Variants in SLC22A15 observed in about 807,000 individuals in gnomAD.
The protein encoded by SLC22A15 is flipt 1.
A neutral mutation model predicts 62.7 loss-of-function variants in SLC22A15; 45 were observed. The observed-to-expected ratio is 0.72, with a 90% CI of 0.56 to 0.92. SLC22A15 has a LOEUF of 0.92. Among genes scored for constraint, SLC22A15 ranks in the 40% least tolerant of loss-of-function variants. SLC22A15 has a pLI of 0.00. For synonymous variants in SLC22A15, 264 were observed against 267.0 expected, an observed-to-expected ratio of 0.99 and a Z score of 0.11; for missense variants, 622 against 665.6, an observed-to-expected ratio of 0.93 and a Z score of 0.72.
intron 8 of SLC22A15, among the ~76,000 whole-genome samples, chr1:116,052,949 G>C (rs1264504189): frequency 1.3e-5 from 2 of 152,072 alleles, no homozygotes; most frequent in Non-Finnish European, 2.9e-5. Context: ...AAACCACAAA[G>C]ATGGGGAAAA....
In SLC22A15 at chr1:116,032,447, G is replaced by C. The variant is rs964260564; in HGVS notation, c.944+866G>C. The C allele has an allele frequency of 3.0e-6, 3 of 985,270 alleles. No individual in the cohort carries two copies. In the African/African-American group the frequency reaches 5.2e-5, roughly 17 times the overall value. 61.0% of individuals were successfully genotyped at this position (985,270 alleles called of 1,614,324 possible). On this transcript the variant is annotated intron_variant, in intron 6 of 11. Coordinates refer to ENST00000369503, the MANE Select transcript of SLC22A15 (RefSeq NM_018420.3). ...GTATTTGCCATGAAGCCTGCATGGA[G>C]CCCTACATTTCATGCAGGGATAAAG... is the stretch of plus-strand genomic sequence containing the variant.
chr1:116,064,562 T>G, intron 10 of SLC22A15, 54 bp downstream of exon 10: 1 of 1,197,550 alleles, frequency 8.4e-7, no homozygotes, highest in South Asian at 1.2e-5. Flanking sequence ...TTGGAAATGC[T>G]TATGCTTTTT....
intron 8 of SLC22A15, among the ~76,000 whole-genome samples, chr1:116,057,923 G>C (rs1658258909): frequency 6.6e-6 from 1 of 152,098 alleles, no homozygotes; most frequent in Non-Finnish European, 1.5e-5. Flanking sequence ...GGGGAGAGGG[G>C]AGAAGGATAG....
intron 4 of SLC22A15, among the ~76,000 whole-genome samples, chr1:116,023,565 A>G (rs1452546249): frequency 1.3e-5 from 2 of 152,162 alleles, no homozygotes; most frequent in African/African-American, 4.8e-5. Flanking sequence ...TCTGCCATGT[A>G]CCAGACACTG....
intron 6 of SLC22A15, among the ~76,000 whole-genome samples, chr1:116,034,986 C>T (rs911770977): frequency 9.2e-5 from 14 of 152,158 alleles, no homozygotes; most frequent in African/African-American, 3.1e-4. Context: ...TATTTCCAAA[C>T]CCCCATAATT....
chr1:116,032,071 G>T (rs922908451), intron 6 of SLC22A15: 29 of 985,270 alleles, frequency 2.9e-5, no homozygotes, highest in Admixed American at 6.2e-5. Context: ...GGCTAAATAT[G>T]ATCCCTTGTA....
chr1:116,026,760 C>A, intron 4 of SLC22A15, 133 bp from the exon 5 acceptor site: 1 of 923,588 alleles, frequency 1.1e-6, no homozygotes, highest in Non-Finnish European at 1.5e-6. Flanking sequence ...TTTTTCTTTT[C>A]TGGTGTGCCT....
chr1:116,033,382 G>A (rs1341070577), intron 6 of SLC22A15, among the ~76,000 whole-genome samples: 1 of 152,060 alleles, frequency 6.6e-6, no homozygotes, highest in East Asian at 1.9e-4. Flanking sequence ...CTATGACGAA[G>A]GCAACTTGCA....
intron 2 of SLC22A15, among the ~76,000 whole-genome samples, chr1:115,994,915 A>G (rs1290163023): frequency 6.6e-6 from 1 of 152,228 alleles, no homozygotes; most frequent in Admixed American, 6.5e-5. Context: ...CATGTATTGA[A>G]TCCAATTCAG....
At chr1:116,053,239 G>A (rs950122825) in intron 8 of SLC22A15, among the ~76,000 whole-genome samples, 16 of 152,172 alleles carry the variant, frequency 1.1e-4, no homozygotes, top group African/African-American at 2.7e-4. Flanking sequence ...GCCAAGGCTC[G>A]AGAACCACAT....
At position 116,067,855 on chromosome 1, in the gene SLC22A15, C is replaced by T. The variant is rs1294402136; in HGVS notation, c.*747C>T. ...ACTATATTGTATGATTTCTTCCTTT[C>T]CCACTAATATGCACATCCAGAAAAA... On this transcript the variant is annotated 3_prime_UTR_variant, in exon 12 of 12. Coordinates refer to ENST00000369503, the MANE Select transcript of SLC22A15 (RefSeq NM_018420.3). 1 of 152,134 alleles carries T rather than the reference C, an allele frequency of 6.6e-6. No homozygotes were observed. The highest frequency in any genetic ancestry group is 2.4e-5 in the African/African-American group (1 of 41,418). The allele number at this position is 152,134 out of a possible 1,614,324, so 9.4% of individuals were successfully genotyped here. A position where few individuals can be genotyped will look rare whatever the true frequency, so the allele number is the denominator to read the frequency against.
At chr1:115,983,424 ATGTGTGTGTGTGTGTGCACGCGCACATG>A (rs1557868741) in intron 1 of SLC22A15, among the ~76,000 whole-genome samples, 1 of 151,110 alleles carries the variant, frequency 6.6e-6, no homozygotes, top group African/African-American at 2.4e-5. Flanking sequence ...TAGGATGGAG[ATGTGTGTGTGTGTGTGCACGCGCACATG>A]TGTGTGTATG....
intron 10 of SLC22A15, among the ~76,000 whole-genome samples, chr1:116,065,401 A>T (rs1413152841): frequency 6.6e-6 from 1 of 152,198 alleles, no homozygotes; most frequent in Admixed American, 6.5e-5. Flanking sequence ...ATTCTGCAAA[A>T]TATAGGTACT....
intron 11 of SLC22A15, 149 bp from the exon 12 acceptor site, chr1:116,066,870 A>G: frequency 1.1e-6 from 1 of 934,364 alleles, no homozygotes; most frequent in East Asian, 2.6e-5. Context: ...TCGATGATTC[A>G]TTAGCTTTCC....
rs192163723 is a variant in SLC22A15, at chr1:116,057,558, T to C, written c.1172-5204T>C. On this transcript the variant is annotated intron_variant, in intron 8 of 11. Coordinates refer to ENST00000369503, the MANE Select transcript of SLC22A15 (RefSeq NM_018420.3). ...TTGATCCAGCCATCCCATTACTGGG[T>C]ATATACCCAAAGGACTATAAATCAT... 2.0e-4 allele frequency among the ~76,000 whole-genome samples: 30 copies of C among 152,314 alleles called. No individual in the cohort carries two copies. In the East Asian group the frequency reaches 5.2e-3, roughly 26 times the overall value.
At chr1:116,051,168 T>G (rs1487330394) in intron 8 of SLC22A15, among the ~76,000 whole-genome samples, 1 of 152,166 alleles carries the variant, frequency 6.6e-6, no homozygotes, top group East Asian at 1.9e-4. Context: ...AATGCAATCC[T>G]CATTAAAATA....
chr1:116,004,761 C>A (rs1655893376), intron 2 of SLC22A15, among the ~76,000 whole-genome samples: 1 of 152,048 alleles, frequency 6.6e-6, no homozygotes, highest in South Asian at 2.1e-4. Context: ...GGTATTAATT[C>A]CTTAAGCCTT....
intron 2 of SLC22A15, among the ~76,000 whole-genome samples, chr1:116,018,175 C>G (rs1425583209): frequency 2.0e-5 from 3 of 151,940 alleles, no homozygotes; most frequent in Non-Finnish European, 4.4e-5. Flanking sequence ...CCTGTTCCCC[C>G]CTCCTTCTGG....
chr1:115,988,989 T>A (rs1655018774), intron 1 of SLC22A15, among the ~76,000 whole-genome samples: 1 of 152,140 alleles, frequency 6.6e-6, no homozygotes, highest in African/African-American at 2.4e-5. Flanking sequence ...ACTATGGGTA[T>A]TGGAGGAGAC....
Sources: allele counts gnomAD v4.1 joint callset (sites outside exome capture counted in the v4.1 genomes callset), GRCh38; gene constraint gnomAD v4.1.1; transcripts MANE v1.5; gene names NCBI Gene and HGNC (gene_info 2026-07-23, HGNC 2026-07-21).